Variants in TLR10 observed in about 807,000 individuals in gnomAD.
TLR10 encodes toll like receptor 10.
For synonymous variants in TLR10, 288 were observed against 338.8 expected (o/e 0.85, Z 1.65); for missense variants, 929 against 932.9 (o/e 1.00, Z 0.05).
Position 38,772,328 on chromosome 4 carries a change from C to T in TLR10, c.*827G>A, listed in dbSNP as rs1724675141. 1 of 152,036 alleles carries T rather than the reference C, an allele frequency of 6.6e-6. No homozygotes were observed. Among genetic ancestry groups the T allele is most frequent in the South Asian group, 2.1e-4 (1 of 4,828 alleles). 9.4% of individuals were successfully genotyped at this position (152,036 alleles called of 1,614,324 possible). On this transcript the variant is annotated 3_prime_UTR_variant, in exon 4 of 4. Transcript: ENST00000308973. ...ATTCAAACATTATAGAAATACACAA[C>T]ATAGAAATCAAATGCTCCCTGTAAT...
Position 38,775,274 on chromosome 4 carries a change from T to G in TLR10, c.317A>C (p.Asn106Thr), listed in dbSNP as rs1724982405. 1 of 1,613,974 alleles carries G rather than the reference T, an allele frequency of 6.2e-7. No individual in the cohort carries two copies. Among genetic ancestry groups the G allele is most frequent in the Admixed American group, 1.7e-5 (1 of 59,976 alleles). ...KELRYLDLSN[N>T]RLKSVTWYLL... ...ATACCAAGTTACACTCTTCAGTCTG[T>G]TATTAGACAAATCTAAATATCTTAA... Residue 106 changes from asparagine (N) to threonine (T), a missense_variant, in exon 4 of 4, where the codon AAC (asparagine) becomes ACC (threonine). Physicochemically the swap from Asn to Thr is moderately conservative, Grantham distance 65. Coordinates refer to ENST00000308973, the MANE Select transcript of TLR10 (RefSeq NM_030956.4).
rs1724687121 is a variant in TLR10, at chr4:38,772,510, A to G, written c.*645T>C. The G allele has an allele frequency of 6.6e-6, 1 of 152,182 alleles. No individual in the cohort carries two copies. The highest frequency in any genetic ancestry group is 6.5e-5 in the Admixed American group (1 of 15,272). The allele number at this position is 152,182 out of a possible 1,614,324, so 9.4% of individuals were successfully genotyped here. ...ATGTTTTTTCCATACCAGGAAATATACAGCTACCTTATTCTTTTTAGTGGC... is the reference window on the plus strand; with the variant it reads ...ATGTTTTTTCCATACCAGGAAATATGCAGCTACCTTATTCTTTTTAGTGGC... On this transcript the variant is annotated 3_prime_UTR_variant, in exon 4 of 4. Transcript: ENST00000308973.
intron 1 of TLR10, among the ~76,000 whole-genome samples, chr4:38,782,304 TAA>T (rs751304840): frequency 2.0e-5 from 3 of 152,182 alleles, no homozygotes; most frequent in Non-Finnish European, 4.4e-5. Context: ...AGAATTGAAA[TAA>T]AACTCGAAGT....
At position 38,774,176 on chromosome 4, in the gene TLR10, T is replaced by A; in HGVS notation, c.1415A>T (p.Asn472Ile). The A allele has an allele frequency of 1.2e-6, 2 of 1,612,226 alleles. No homozygotes were observed. The highest frequency in any genetic ancestry group is 1.7e-6 in the Non-Finnish European group (2 of 1,179,152). The change falls in exon 4 of 4, where the codon AAT becomes ATT. Residue 472 changes from asparagine to isoleucine, a missense_variant. By Grantham distance (149) the Asn-to-Ile change is moderately radical. Transcript: ENST00000308973. ...TIHLMALREL[N>I]IAFNFLTDLP... Reference sequence around the variant, plus strand: ...ATCAGTTAGAAAATTAAATGCAATATTTAGTTCTCGTAAGGCCATCAGATG... The same window carrying A: ...ATCAGTTAGAAAATTAAATGCAATAATTAGTTCTCGTAAGGCCATCAGATG...
intron 1 of TLR10, among the ~76,000 whole-genome samples, chr4:38,778,401 C>T (rs943505231): frequency 7.3e-5 from 11 of 151,010 alleles, no homozygotes; most frequent in Admixed American, 2.0e-4. Context: ...ATGCACGTTC[C>T]GCACATGTAC....
chr4:38,774,352 AT>A lies in TLR10; in HGVS notation c.1238del (p.Asn413MetfsTer14). On this transcript the variant is annotated frameshift_variant, in exon 4 of 4. Coordinates refer to ENST00000308973, the MANE Select transcript of TLR10 (RefSeq NM_030956.4). LOFTEE classifies it low-confidence loss of function (END_TRUNC). ...DLSQNLLQHKNDENCSWPETV... is the reference protein window; with the variant it reads ...DLSQNLLQHKXDENCSWPETV... ...TTTCTGGCCATGAGCAATTTTCATCATTTTTATGTTGTAATAGATTTTGACT... is the reference window on the plus strand; with the variant it reads ...TTTCTGGCCATGAGCAATTTTCATCATTTTATGTTGTAATAGATTTTGACT... The A allele has an allele frequency of 6.2e-7, 1 of 1,611,662 alleles. No individual in the cohort carries two copies. The highest frequency in any genetic ancestry group is 1.3e-5 in the African/African-American group (1 of 74,872).
rs1375195933 is a variant in TLR10 at position 38,774,521 on chromosome 4, T to C, written c.1070A>G (p.Asn357Ser). ...AAACAACTCGTCTGTTAAGATATTATTGGCAAAATTTAAATATTGGAATTT... is the reference window on the plus strand; with the variant it reads ...AAACAACTCGTCTGTTAAGATATTACTGGCAAAATTTAAATATTGGAATTT... The part of the protein sequence containing the change: ...PTKFQYLNFA[N>S]NILTDELFKR... The change falls in exon 4 of 4, where the codon AAT becomes AGT. Residue 357 changes from asparagine (N) to serine (S), a missense_variant. Transcript: ENST00000308973. The C allele has an allele frequency of 1.9e-6, 3 of 1,583,354 alleles. No homozygotes were observed. Among genetic ancestry groups the C allele is most frequent in the East Asian group, 2.2e-5 (1 of 44,636 alleles).
intron 1 of TLR10, among the ~76,000 whole-genome samples, chr4:38,779,779 A>T (rs1451982430): frequency 6.6e-6 from 1 of 152,182 alleles, no homozygotes; most frequent in African/African-American, 2.4e-5. Flanking sequence ...ATAATTTTCC[A>T]TGAATTCATG....
At chr4:38,781,742 T>C (rs895663552) in intron 1 of TLR10, among the ~76,000 whole-genome samples, 1 of 152,186 alleles carries the variant, frequency 6.6e-6, no homozygotes, top group Admixed American at 6.5e-5. Flanking sequence ...CTTTTCCCAA[T>C]GATATAAAGA....
At chr4:38,777,359 A>T (rs6852188) in intron 1 of TLR10, among the ~76,000 whole-genome samples, 14,488 of 152,024 alleles carry the variant, frequency 0.095, 1,199 homozygotes, top group African/African-American at 0.2. Flanking sequence ...TGTGAGGAAG[A>T]CCTGGAGTGG....
intron 1 of TLR10, among the ~76,000 whole-genome samples, chr4:38,781,951 C>A (rs148969821): frequency 6.6e-6 from 1 of 152,196 alleles, no homozygotes; most frequent in Non-Finnish European, 1.5e-5. Context: ...GAGCTAAAGC[C>A]CAGAGGTAAA....
chr4:38,774,562 GA>G lies in TLR10; in HGVS notation c.1028del (p.Phe343SerfsTer11). 6.3e-7 allele frequency: 1 copy of G among 1,594,448 alleles called. No homozygotes were observed. Among genetic ancestry groups the G allele is most frequent in the Non-Finnish European group, 8.5e-7 (1 of 1,173,610 alleles). ...ISNAQMPHML[F>X]PNYPTKFQYL... ...ATTGGAATTTCGTAGGATAATTCGG[GA>G]AAAGCATGTGTGGCATTTGTGCATT... On this transcript the variant is annotated frameshift_variant, in exon 4 of 4. Transcript: ENST00000308973. LOFTEE classifies it low-confidence loss of function (END_TRUNC).
At chr4:38,780,190 A>G (rs6835923) in intron 1 of TLR10, among the ~76,000 whole-genome samples, 16,768 of 151,862 alleles carry the variant, frequency 0.11, 1,703 homozygotes, top group African/African-American at 0.25. Context: ...ATCACAAAGT[A>G]AGGAGATCAA....
rs1724915133 is a variant in TLR10, at chr4:38,774,687, T to C, written c.904A>G (p.Ile302Val). The change falls in exon 4 of 4, where the codon ATA becomes GTA. Residue 302 changes from isoleucine to valine, a missense_variant. Transcript: ENST00000308973. ...CTGAAATGTACATGCTCCAATTTTA[T>C]AGTTCTCATTACAGTATTTGAGTAG... Reference protein sequence around the residue: ...FDYSNTVMRTIKLEHVHFRVF... With the variant: ...FDYSNTVMRTVKLEHVHFRVF... 1.3e-6 allele frequency: 2 copies of C among 1,563,702 alleles called. No individual in the cohort carries two copies. The highest frequency in any genetic ancestry group is 1.7e-6 in the Non-Finnish European group (2 of 1,160,336).
At position 38,775,043 on chromosome 4, in the gene TLR10, C is replaced by G. The variant is rs755708044; in HGVS notation, c.548G>C (p.Gly183Ala). 2 of 1,612,298 alleles carry G rather than the reference C, an allele frequency of 1.2e-6. No individual in the cohort carries two copies. Among genetic ancestry groups the G allele is most frequent in the Non-Finnish European group, 1.7e-6 (2 of 1,179,546 alleles). Reference sequence around the variant, plus strand: ...TGTTGTGTTTAAGATGGGCAGGCTACCTTCTTCATAATGAGGAAGAGTTCT... The same window carrying G: ...TGTTGTGTTTAAGATGGGCAGGCTAGCTTCTTCATAATGAGGAAGAGTTCT... Reference protein sequence around the residue: ...GFRTLPHYEEGSLPILNTTKL... With the variant: ...GFRTLPHYEEASLPILNTTKL... The change falls in exon 4 of 4, where the codon GGT (glycine) becomes GCT (alanine). Residue 183 changes from glycine to alanine, a missense_variant. Transcript: ENST00000308973.
Position 38,775,162 on chromosome 4 carries a change from G to C in TLR10, c.429C>G (p.His143Gln). 6.2e-7 allele frequency: 1 copy of C among 1,613,840 alleles called. No homozygotes were observed. The highest frequency in any genetic ancestry group is 8.5e-7 in the Non-Finnish European group (1 of 1,179,972). The change falls in exon 4 of 4, where the codon CAC (histidine) becomes CAG (glutamine). Residue 143 changes from histidine to glutamine, a missense_variant. Coordinates refer to ENST00000308973, the MANE Select transcript of TLR10 (RefSeq NM_030956.4). ...PICEEAGNMSHLEILGLSGAK... is the reference protein window; with the variant it reads ...PICEEAGNMSQLEILGLSGAK... ...CCCCACTCAAACCTAGGATTTCCAG[G>C]TGTGACATGTTGCCAGCTTCCTCAC...
chr4:38,773,632 G>T lies in TLR10; in HGVS notation c.1959C>A (p.Ile653=), dbSNP rs1212612565. The change falls in exon 4 of 4, where the codon ATC becomes ATA. Residue 653 remains isoleucine (I), a synonymous_variant. Coordinates refer to ENST00000308973, the MANE Select transcript of TLR10 (RefSeq NM_030956.4). The part of the protein sequence containing the change: ...HDSLWVKNEL[I]PNLEKEDGSI... ...AACCATCTTCCTTCTCTAGATTGGG[G>T]ATCAATTCATTCTTCACCCACAGAG... The T allele has an allele frequency of 1.9e-6, 3 of 1,603,100 alleles. No individual in the cohort carries two copies. Among genetic ancestry groups the T allele is most frequent in the Non-Finnish European group, 2.6e-6 (3 of 1,174,878 alleles).
chr4:38,773,794 G>C lies in TLR10; in HGVS notation c.1797C>G (p.Leu599=). Residue 599 remains leucine (L), a synonymous_variant, in exon 4 of 4, where the codon CTC becomes CTG. Coordinates refer to ENST00000308973, the MANE Select transcript of TLR10 (RefSeq NM_030956.4). ...TGAGATACCAGGGCAGATCAAAGTGGAGACAGCAGAAGGCCACAGCCAACC... is the reference window on the plus strand; with the variant it reads ...TGAGATACCAGGGCAGATCAAAGTGCAGACAGCAGAAGGCCACAGCCAACC... The part of the protein sequence containing the change: ...VLGLAVAFCC[L]HFDLPWYLRM... 6.2e-7 allele frequency: 1 copy of C among 1,601,722 alleles called. No individual in the cohort carries two copies. The highest frequency in any genetic ancestry group is 8.5e-7 in the Non-Finnish European group (1 of 1,174,758).
chr4:38,778,752 G>A (rs1725218011), intron 1 of TLR10, among the ~76,000 whole-genome samples: 1 of 152,026 alleles, frequency 6.6e-6, no homozygotes, highest in African/African-American at 2.4e-5. Context: ...CCTCAGACAG[G>A]TCACTCCCAT....
Sources: gnomAD v4.1 joint callset for allele counts (sites outside exome capture counted in the v4.1 genomes callset) on GRCh38, gnomAD v4.1.1 for gene constraint, MANE v1.5 for transcripts, NCBI Gene and HGNC (gene_info 2026-07-23, HGNC 2026-07-21) for gene names.